The following CELF2 variants were observed in gnomAD, a reference collection of about 807,000 sequenced individuals.
CELF2 encodes the protein CUG triplet repeat RNA-binding protein 2.
A neutral mutation model predicts 62.6 loss-of-function variants in CELF2; 8 were observed. That is an observed-to-expected ratio of 0.13 (90% confidence interval 0.07 to 0.23). The LOEUF (loss-of-function observed/expected upper bound fraction) is 0.23, where lower values mean the gene tolerates loss of function less well. Among genes scored for constraint, CELF2 ranks in the 10% least tolerant of loss-of-function variants. CELF2 has a pLI of 1.00. For synonymous variants in CELF2, 258 were observed against 250.0 expected, an observed-to-expected ratio of 1.03 and a Z score of -0.30; for missense variants, 333 against 671.0, an observed-to-expected ratio of 0.50 and a Z score of 5.56.
chr10:10,905,098 A>G (rs1004672130), intron 1 of CELF2, among the ~76,000 whole-genome samples: 5 of 152,202 alleles, frequency 3.3e-5, no homozygotes, highest in Admixed American at 3.3e-4. Context: ...TCAAGTTTCC[A>G]CATCTGAAGA....
chr10:10,924,665 G>A (rs1355198881), intron 2 of CELF2, among the ~76,000 whole-genome samples: 1 of 145,014 alleles, frequency 6.9e-6, no homozygotes. Context: ...AACAGTTAAA[G>A]AAGTTACGAA....
chr10:10,748,475 G>A, the CELF2 span, among the ~76,000 whole-genome samples: 10 of 152,176 alleles, frequency 6.6e-5, no homozygotes, highest in East Asian at 5.8e-4. Context: ...GGGGTCTGGC[G>A]CGGTGGCTCA....
At chr10:10,672,006 A>T in the CELF2 span, among the ~76,000 whole-genome samples, 1 of 152,190 alleles carries the variant, frequency 6.6e-6, no homozygotes, top group South Asian at 2.1e-4. Flanking sequence ...CTGGGATTAC[A>T]GGTGTAAGCC....
chr10:10,695,253 C>T, the CELF2 span, among the ~76,000 whole-genome samples: 5,704 of 145,402 alleles, frequency 0.039, 273 homozygotes, highest in East Asian at 0.27. Context: ...TTTTATTTCT[C>T]CTTCGCTTAT....
chr10:11,173,233 G>T (rs928962125), intron 2 of CELF2, among the ~76,000 whole-genome samples: 1 of 152,226 alleles, frequency 6.6e-6, no homozygotes, highest in Non-Finnish European at 1.5e-5. Flanking sequence ...GAGGGGACAA[G>T]TCCAGTTTCC....
At position 11,177,986 on chromosome 10, in the gene CELF2, C is replaced by T. The variant is rs1240841322; in HGVS notation, c.271+12304C>T. 2.0e-5 allele frequency among the ~76,000 whole-genome samples: 3 copies of T among 152,122 alleles called. No homozygotes were observed. Among genetic ancestry groups the T allele is most frequent in the South Asian group, 2.1e-4 (1 of 4,818 alleles). On this transcript the variant is annotated intron_variant, in intron 2 of 12. Transcript: ENST00000633077. This position sits in a 1 kb window ranked among gnomAD's most constrained non-coding sequence, Gnocchi z 4.8. ...TAAGCCGCAGCCTAGATTGGAACAG[C>T]GTGACTGCCTGGTAGGATAAAGGAG... is the stretch of plus-strand genomic sequence containing the variant.
intron 1 of CELF2, among the ~76,000 whole-genome samples, chr10:11,078,291 A>G (rs989743747): frequency 2.0e-5 from 3 of 152,138 alleles, no homozygotes; most frequent in Non-Finnish European, 4.4e-5. Context: ...CGAGTTCAAC[A>G]ACATTTCTCT....
chr10:11,318,731 G>A lies in CELF2; in HGVS notation c.1097-2458G>A, dbSNP rs1314679114. The stretch of plus-strand genomic sequence containing the variant: ...AAAAAGGAGAAAGAGTTCAAAGTAG[G>A]AAGATAATTTTTCTGACCTGGAAAT... On this transcript the variant is annotated intron_variant, in intron 10 of 12. Coordinates refer to ENST00000633077, the MANE Select transcript of CELF2 (RefSeq NM_001326342.2). This position sits in a 1 kb window ranked among gnomAD's most constrained non-coding sequence, Gnocchi z 5.4. 2 of 467,022 alleles carry A rather than the reference G, an allele frequency of 4.3e-6. No individual in the cohort carries two copies. Among genetic ancestry groups the A allele is most frequent in the Non-Finnish European group, 4.4e-6 (1 of 224,756 alleles). The allele number at this position is 467,022 out of a possible 1,614,324, so 28.9% of individuals were successfully genotyped here.
the CELF2 span, among the ~76,000 whole-genome samples, chr10:10,568,932 A>G: frequency 1.3e-5 from 2 of 152,172 alleles, no homozygotes; most frequent in Non-Finnish European, 2.9e-5. Context: ...ACTTCTAGTT[A>G]CAATATTGTA....
At chr10:10,873,461 A>G (rs1320057140) in intron 1 of CELF2, among the ~76,000 whole-genome samples, 1 of 152,192 alleles carries the variant, frequency 6.6e-6, no homozygotes, top group Non-Finnish European at 1.5e-5. Context: ...TAGTGACAAC[A>G]TCTTTTATCC....
chr10:10,968,847 G>A (rs1171930014), intron 2 of CELF2, among the ~76,000 whole-genome samples: 3 of 152,308 alleles, frequency 2.0e-5, no homozygotes, highest in South Asian at 4.1e-4. Context: ...GGATAAAGTT[G>A]TTATTCATGA....
At chr10:11,016,193 G>A (rs2057231632), upstream of CELF2, among the ~76,000 whole-genome samples, 1 of 152,224 alleles carries the variant, frequency 6.6e-6, no homozygotes, top group African/African-American at 2.4e-5. The surrounding 1 kb of genome is among the most constrained non-coding windows in gnomAD (Gnocchi z 5.2). Context: ...TCAAAATCCT[G>A]TAATTTCAAA....
chr10:11,102,482 C>G (rs2142641792), intron 1 of CELF2, among the ~76,000 whole-genome samples: 1 of 152,300 alleles, frequency 6.6e-6, no homozygotes, highest in East Asian at 1.9e-4. Context: ...AGTTACATGG[C>G]TCTAAAATTG....
intron 2 of CELF2, among the ~76,000 whole-genome samples, chr10:10,959,171 C>T (rs755945265): frequency 2.0e-5 from 3 of 152,166 alleles, no homozygotes; most frequent in Non-Finnish European, 4.4e-5. Flanking sequence ...GTCTTAGCTA[C>T]TCAGGAGGCT....
chr10:11,116,517 G>C (rs1031145254), intron 1 of CELF2, among the ~76,000 whole-genome samples: 2 of 152,184 alleles, frequency 1.3e-5, no homozygotes, highest in African/African-American at 4.8e-5. Flanking sequence ...GATCAGCAAG[G>C]CTTCAGGTCT....
chr10:10,824,162 A>G (rs2057198191), intron 1 of CELF2, among the ~76,000 whole-genome samples: 1 of 152,206 alleles, frequency 6.6e-6, no homozygotes, highest in South Asian at 2.1e-4. Flanking sequence ...TAGCCATTAA[A>G]GTTTAAAAAT....
chr10:10,619,696 G>T, the CELF2 span, among the ~76,000 whole-genome samples: 1 of 152,198 alleles, frequency 6.6e-6, no homozygotes, highest in East Asian at 1.9e-4. Flanking sequence ...GGCAGAAAAC[G>T]TCGTATTATC....
the CELF2 span, among the ~76,000 whole-genome samples, chr10:10,614,399 C>T: frequency 1.3e-5 from 2 of 152,104 alleles, no homozygotes; most frequent in Non-Finnish European, 2.9e-5. Context: ...GCCTCTCACC[C>T]AGCAGCCACA....
At chr10:11,057,280 G>A (rs190105517) in intron 1 of CELF2, among the ~76,000 whole-genome samples, 6 of 148,364 alleles carry the variant, frequency 4.0e-5, no homozygotes, top group South Asian at 2.3e-4. Flanking sequence ...CTCTAGAGGG[G>A]TAGGGGATGT....
Sources: allele counts gnomAD v4.1 joint callset (sites outside exome capture counted in the v4.1 genomes callset), GRCh38; gene constraint gnomAD v4.1.1; non-coding constraint Gnocchi (gnomAD v3.1); transcripts MANE v1.5; gene names NCBI Gene and HGNC (gene_info 2026-07-23, HGNC 2026-07-21).